Variants in ZNF81 observed in about 807,000 individuals in gnomAD.
ZNF81 encodes the protein zinc finger protein 81 (HFZ20).
Under a neutral mutation model 32.3 loss-of-function variants are expected in ZNF81, and 5 were observed. The observed-to-expected ratio is 0.15, with a 90% CI of 0.08 to 0.33. ZNF81 has a LOEUF of 0.33. Among genes scored for constraint, ZNF81 ranks in the 10% least tolerant of loss-of-function variants. The pLI, the probability that ZNF81 is intolerant of heterozygous loss-of-function variation, is 1.00. For synonymous variants in ZNF81, 163 were observed against 166.8 expected (o/e 0.98, Z 0.17); for missense variants, 379 against 479.8 (o/e 0.79, Z 1.96).
At chrX:47,863,814 T>C (rs782057105) in intron 2 of ZNF81, among the ~76,000 whole-genome samples, 116 of 112,108 alleles carry the variant, frequency 1.0e-3, no homozygotes, top group Non-Finnish European at 1.9e-3. Flanking sequence ...TATCATATCA[T>C]TTATTACTTC....
At position 47,916,738 on chromosome X, in the gene ZNF81, G is replaced by A. The variant is rs1444798793; in HGVS notation, c.*106G>A. On this transcript the variant is annotated 3_prime_UTR_variant, in exon 5 of 5. Coordinates refer to ENST00000338637, the MANE Select transcript of ZNF81 (RefSeq NM_007137.5). ...AAGACAGATCCTATATGAATACATT[G>A]TATAAGGAAAAGCATCAGGCTATCT... 2 of 875,553 alleles carry A rather than the reference G, an allele frequency of 2.3e-6. No individual in the cohort carries two copies. Among genetic ancestry groups the A allele is most frequent in the Non-Finnish European group, 3.1e-6 (2 of 655,083 alleles). 72.2% of individuals were successfully genotyped at this position (875,553 alleles called of 1,213,427 possible).
rs782156445 is a variant in ZNF81, at chrX:47,877,878, G to A, written c.55-10121G>A. Among the ~76,000 whole-genome samples, 12 of 111,574 alleles carry A rather than the reference G, an allele frequency of 1.1e-4. No individual in the cohort carries two copies. The South Asian group carries it at 1.5e-3, about 14-fold the overall frequency. On this transcript the variant is annotated intron_variant, in intron 2 of 4. Transcript: ENST00000338637. ...TTTCCTAGCATTATAGATCCAATAC[G>A]GGGCAGTAAGAGCCCAATGCTAGTC... is the stretch of plus-strand genomic sequence containing the variant.
At chrX:47,897,095 T>C (rs1322561615) in intron 4 of ZNF81, among the ~76,000 whole-genome samples, 3 of 112,086 alleles carry the variant, frequency 2.7e-5, no homozygotes, top group African/African-American at 9.7e-5. Flanking sequence ...ATACCTAAGA[T>C]TGGAACTGCT....
intron 2 of ZNF81, among the ~76,000 whole-genome samples, chrX:47,860,339 C>A (rs189689553): frequency 8.2e-4 from 89 of 108,889 alleles, no homozygotes; most frequent in African/African-American, 2.9e-3. Context: ...CCATGCCCGG[C>A]TAATTTTTCA....
At chrX:47,897,463 C>T (rs914992107) in intron 4 of ZNF81, among the ~76,000 whole-genome samples, 1 of 111,758 alleles carries the variant, frequency 8.9e-6, no homozygotes, top group African/African-American at 3.3e-5. Flanking sequence ...AACTCCTTTG[C>T]CAGATATATG....
intron 2 of ZNF81, among the ~76,000 whole-genome samples, chrX:47,849,190 T>C (rs2058483487): frequency 1.8e-5 from 2 of 111,807 alleles, no homozygotes; most frequent in African/African-American, 6.5e-5. Context: ...GTCATAGTTA[T>C]GTCTTAAAAA....
Position 47,915,476 on chromosome X carries a change from C to T in ZNF81, c.830C>T (p.Thr277Ile), listed in dbSNP as rs1486100878. 14 of 1,209,842 alleles carry T rather than the reference C, an allele frequency of 1.2e-5. No individual in the cohort carries two copies. Among genetic ancestry groups the T allele is most frequent in the South Asian group, 1.8e-5 (1 of 56,821 alleles). The change falls in exon 5 of 5, where the codon ACT becomes ATT. Residue 277 changes from threonine to isoleucine, a missense_variant. Thr to Ile is a moderately conservative substitution (Grantham distance 89, BLOSUM62 -1). This residue lies in a region of ZNF81 where 277 missense variants were observed against 306.6 expected (regional missense o/e 0.90). Coordinates refer to ENST00000338637, the MANE Select transcript of ZNF81 (RefSeq NM_007137.5). ...FPIGEKANTC[T>I]EFGKIFTQRS... is the part of the protein sequence containing the mutation. ...ATTGGAGAGAAAGCAAACACATGTACTGAATTTGGGAAGATCTTCACCCAG... is the reference window on the plus strand; with the variant it reads ...ATTGGAGAGAAAGCAAACACATGTATTGAATTTGGGAAGATCTTCACCCAG...
rs2058761252 is a variant in ZNF81, at chrX:47,917,433, G to A, written c.*801G>A. 1 of 291,844 alleles carries A rather than the reference G, an allele frequency of 3.4e-6. No individual in the cohort carries two copies. The highest frequency in any genetic ancestry group is 6.2e-5 in the Admixed American group (1 of 16,234). 24.1% of individuals were successfully genotyped at this position (291,844 alleles called of 1,213,427 possible). On this transcript the variant is annotated 3_prime_UTR_variant, in exon 5 of 5. Transcript: ENST00000338637. ...TGTCTACTACTTGACTTTGAACTTG[G>A]CCACGTGACTTTCTTTGGCCAATGG...
intron 4 of ZNF81, among the ~76,000 whole-genome samples, chrX:47,897,294 C>T (rs1556887370): frequency 8.9e-6 from 1 of 112,281 alleles, no homozygotes; most frequent in Non-Finnish European, 1.9e-5. Context: ...TTTAAAGTTG[C>T]ATTTCTCTTA....
chrX:47,891,954 AGGG>A (rs1390080260), intron 3 of ZNF81, among the ~76,000 whole-genome samples: 7 of 111,538 alleles, frequency 6.3e-5, no homozygotes, highest in African/African-American at 2.3e-4. Flanking sequence ...CCTTCATTCA[AGGG>A]GTTCTGGGTC....
At chrX:47,858,330 G>A (rs781868782) in intron 2 of ZNF81, among the ~76,000 whole-genome samples, 1 of 112,060 alleles carries the variant, frequency 8.9e-6, no homozygotes, top group Admixed American at 9.5e-5. Flanking sequence ...CACTGAAGTA[G>A]TGAAGGCTGA....
At chrX:47,841,298 G>T (rs782501128) in intron 1 of ZNF81, 30 of 640,031 alleles carry the variant, frequency 4.7e-5, no homozygotes, top group Non-Finnish European at 7.2e-5. Flanking sequence ...GTCACATAAG[G>T]TTCCACTATA....
intron 3 of ZNF81, among the ~76,000 whole-genome samples, chrX:47,892,247 C>T (rs1344763640): frequency 1.8e-5 from 2 of 111,430 alleles, no homozygotes; most frequent in African/African-American, 6.5e-5. Flanking sequence ...GATTAAGTAC[C>T]TCCCTTTAAC....
Position 47,920,975 on chromosome X carries a change from G to C in ZNF81, c.*4343G>C, listed in dbSNP as rs1407162340. ...ATATTTCAAGCTAGTTGGTTGCTCT[G>C]TAATCTTAGCTCTCTGATGGGTTCG... On this transcript the variant is annotated 3_prime_UTR_variant, in exon 5 of 5. Transcript: ENST00000338637. The C allele has an allele frequency of 9.0e-6, 1 of 111,441 alleles. No homozygotes were observed. Among genetic ancestry groups the C allele is most frequent in the African/African-American group, 3.3e-5 (1 of 30,585 alleles). 9.2% of individuals were successfully genotyped at this position (111,441 alleles called of 1,213,427 possible).
At chrX:47,895,810 G>C in intron 3 of ZNF81, 35 bp from the exon 4 acceptor site, 1 of 1,070,812 alleles carries the variant, frequency 9.3e-7, no homozygotes, top group Non-Finnish European at 1.3e-6. Flanking sequence ...AAAGCAATTT[G>C]CTGGACCCAA....
At chrX:47,844,363 A>G (rs1556880175) in intron 1 of ZNF81, among the ~76,000 whole-genome samples, 2 of 111,151 alleles carry the variant, frequency 1.8e-5, no homozygotes, top group African/African-American at 6.6e-5. Flanking sequence ...CCACTCTTCT[A>G]TTTCTGTCTC....
chrX:47,852,600 G>A (rs1402736312), intron 2 of ZNF81, among the ~76,000 whole-genome samples: 1 of 112,261 alleles, frequency 8.9e-6, no homozygotes, highest in African/African-American at 3.2e-5. Flanking sequence ...CTCCTCATCC[G>A]TTAAAGTTTT....
chrX:47,897,876 A>G (rs2058684960), intron 4 of ZNF81, among the ~76,000 whole-genome samples: 1 of 111,768 alleles, frequency 8.9e-6, no homozygotes, highest in Non-Finnish European at 1.9e-5. Context: ...GCTTTAAAAG[A>G]TAGGTTTTAT....
At chrX:47,840,295 C>G (rs1556879597) in intron 1 of ZNF81, among the ~76,000 whole-genome samples, 1 of 109,946 alleles carries the variant, frequency 9.1e-6, no homozygotes, top group African/African-American at 3.3e-5. Context: ...TATACAAATG[C>G]TAGAGTTACT....
Sources: gnomAD v4.1 joint callset for allele counts (sites outside exome capture counted in the v4.1 genomes callset) on GRCh38, gnomAD v4.1.1 for gene constraint, gnomAD v4.1.1 regional missense constraint, MANE v1.5 for transcripts, NCBI Gene and HGNC (gene_info 2026-07-23, HGNC 2026-07-21) for gene names.